RPS6KC1: variants seen among roughly 807,000 people sequenced by gnomAD.
RPS6KC1 encodes the protein inactive ribosomal protein S6 kinase delta-1.
A neutral mutation model predicts 103.8 loss-of-function variants in RPS6KC1; 54 were observed. That is an observed-to-expected ratio of 0.52 (90% CI 0.42 to 0.65). RPS6KC1 has a LOEUF of 0.65. Ranked by LOEUF, RPS6KC1 falls within the 30% of genes least tolerant of loss-of-function variation. RPS6KC1 has a pLI of 0.00. For missense variants in RPS6KC1, 1,151 were observed against 1,253.8 expected, an observed-to-expected ratio of 0.92 and a Z score of 1.24; for synonymous variants, 439 against 438.7, an observed-to-expected ratio of 1.00 and a Z score of -0.01.
At chr1:213,151,973 A>T (rs1291194792) in intron 6 of RPS6KC1, among the ~76,000 whole-genome samples, 5 of 99,214 alleles carry the variant, frequency 5.0e-5, no homozygotes, top group African/African-American at 8.5e-5. Flanking sequence ...GGCCGGGCAG[A>T]GGGGCTCCTC....
chr1:213,499,241 T>G, the RPS6KC1 span, among the ~76,000 whole-genome samples: 1 of 152,150 alleles, frequency 6.6e-6, no homozygotes, highest in African/African-American at 2.4e-5. Context: ...GGTATACAAC[T>G]GGAATGGAGT....
chr1:213,051,312 T>G lies in RPS6KC1; in HGVS notation c.-93T>G. ...CTTGGAGCCACCGCCCCCTCGCCGCTTCGCCGCTGCGTTGGGGAACCTGGA... is the reference window on the plus strand; with the variant it reads ...CTTGGAGCCACCGCCCCCTCGCCGCGTCGCCGCTGCGTTGGGGAACCTGGA... On this transcript the variant is annotated 5_prime_UTR_variant, in exon 1 of 15. Transcript: ENST00000366960. 1 of 926,702 alleles carries G rather than the reference T, an allele frequency of 1.1e-6. No individual in the cohort carries two copies. Among genetic ancestry groups the G allele is most frequent in the Non-Finnish European group, 1.7e-6 (1 of 592,124 alleles). 57.4% of individuals were successfully genotyped at this position (926,702 alleles called of 1,614,324 possible). A position where few individuals can be genotyped will look rare whatever the true frequency, so the allele number is the denominator to read the frequency against.
At chr1:213,514,514 A>G in the RPS6KC1 span, among the ~76,000 whole-genome samples, 1 of 151,830 alleles carries the variant, frequency 6.6e-6, no homozygotes, top group African/African-American at 2.4e-5. Context: ...TTTGCTGAGA[A>G]TGATGGTTTC....
intron 8 of RPS6KC1, among the ~76,000 whole-genome samples, chr1:213,208,157 A>C (rs1019234947): frequency 6.6e-6 from 1 of 152,196 alleles, no homozygotes; most frequent in Non-Finnish European, 1.5e-5. Context: ...ATTTTAAAAT[A>C]TCTCTCAAGT....
the RPS6KC1 span, among the ~76,000 whole-genome samples, chr1:213,716,486 T>C: frequency 6.6e-6 from 1 of 152,204 alleles, no homozygotes; most frequent in Non-Finnish European, 1.5e-5. Flanking sequence ...TCAGGCCTCC[T>C]GTGAATAAAG....
chr1:213,573,275 A>ATGT, the RPS6KC1 span, among the ~76,000 whole-genome samples: 1 of 152,334 alleles, frequency 6.6e-6, no homozygotes, highest in East Asian at 1.9e-4. Context: ...CAGGGCTTAT[A>ATGT]GACACCTGGG....
At chr1:213,257,740 G>A (rs1225369132) in intron 12 of RPS6KC1, among the ~76,000 whole-genome samples, 1 of 140,294 alleles carries the variant, frequency 7.1e-6, no homozygotes, top group Admixed American at 7.1e-5. Flanking sequence ...ATTCAAAACT[G>A]ATGGCTGACA....
At chr1:213,271,824 T>A (rs1415305198) in intron 14 of RPS6KC1, among the ~76,000 whole-genome samples, 1 of 152,108 alleles carries the variant, frequency 6.6e-6, no homozygotes, top group Admixed American at 6.5e-5. Context: ...CACAACTCTT[T>A]AAATTTACTA....
the RPS6KC1 span, among the ~76,000 whole-genome samples, chr1:213,316,582 G>A: frequency 6.6e-6 from 1 of 152,190 alleles, no homozygotes; most frequent in Non-Finnish European, 1.5e-5. Context: ...TAAGTTCCTG[G>A]CCTTGTAAAG....
At chr1:213,820,608 G>A in the RPS6KC1 span, 2 of 152,130 alleles carry the variant, frequency 1.3e-5, no homozygotes, top group African/African-American at 2.4e-5. Flanking sequence ...TGGCCAAGTA[G>A]GCACACACAC....
the RPS6KC1 span, among the ~76,000 whole-genome samples, chr1:213,484,436 C>T: frequency 6.6e-6 from 1 of 152,186 alleles, no homozygotes; most frequent in Admixed American, 6.5e-5. Context: ...TGGTTGTTGG[C>T]AAGCCTCAGT....
the RPS6KC1 span, among the ~76,000 whole-genome samples, chr1:213,386,872 G>A: frequency 6.6e-6 from 1 of 152,208 alleles, no homozygotes; most frequent in African/African-American, 2.4e-5. Context: ...TCTGGTGTCA[G>A]AAGGTGTCCT....
the RPS6KC1 span, among the ~76,000 whole-genome samples, chr1:213,376,823 T>C: frequency 3.9e-5 from 6 of 152,166 alleles, no homozygotes; most frequent in Non-Finnish European, 8.8e-5. Context: ...CCCCCAAAGT[T>C]AGGCATCTCA....
At chr1:213,127,127 A>G (rs149331427) in intron 5 of RPS6KC1, among the ~76,000 whole-genome samples, 5 of 152,270 alleles carry the variant, frequency 3.3e-5, no homozygotes, top group Non-Finnish European at 7.4e-5. Flanking sequence ...TCTCAAATGT[A>G]ATCTTCAGAT....
chr1:213,186,943 T>C (rs2092556446), intron 8 of RPS6KC1, among the ~76,000 whole-genome samples: 1 of 152,202 alleles, frequency 6.6e-6, no homozygotes, highest in East Asian at 1.9e-4. Context: ...CGTCTCACCA[T>C]ATTGCCTAGG....
At chr1:213,388,071 G>A in the RPS6KC1 span, among the ~76,000 whole-genome samples, 5,234 of 152,330 alleles carry the variant, frequency 0.034, 258 homozygotes, top group East Asian at 0.21. Flanking sequence ...TGGCCCTCCT[G>A]GGCCCCATTT....
chr1:213,715,027 C>T, the RPS6KC1 span, among the ~76,000 whole-genome samples: 1 of 152,120 alleles, frequency 6.6e-6, no homozygotes, highest in Non-Finnish European at 1.5e-5. Flanking sequence ...AACAGCAGAA[C>T]CAGAGGGATG....
chr1:213,148,275 G>C (rs1270810124), intron 6 of RPS6KC1, among the ~76,000 whole-genome samples: 1 of 152,114 alleles, frequency 6.6e-6, no homozygotes, highest in Non-Finnish European at 1.5e-5. Context: ...AAGAGGAAAG[G>C]CTTCAGTTTT....
chr1:213,223,480 T>TA (rs1172322392), intron 8 of RPS6KC1, among the ~76,000 whole-genome samples: 1 of 152,204 alleles, frequency 6.6e-6, no homozygotes, highest in Non-Finnish European at 1.5e-5. Context: ...ATTCCTGAGT[T>TA]ACTTCACTTA....
Sources: gnomAD v4.1 joint callset for allele counts (sites outside exome capture counted in the v4.1 genomes callset) on GRCh38, gnomAD v4.1.1 for gene constraint, MANE v1.5 for transcripts, NCBI Gene and HGNC (gene_info 2026-07-23, HGNC 2026-07-21) for gene names.